The following ROR1 variants were observed in gnomAD, a reference collection of about 807,000 sequenced individuals.
The protein encoded by ROR1 is inactive tyrosine-protein kinase transmembrane receptor ROR1.
ROR1 carries 19 observed loss-of-function variants against 78.8 expected under a neutral mutation model. That is an observed-to-expected ratio of 0.24 (90% CI 0.17 to 0.35). ROR1 has a LOEUF of 0.35. Ranked by LOEUF, ROR1 falls within the 10% of genes least tolerant of loss-of-function variation. ROR1 has a pLI of 1.00. For missense variants in ROR1, 917 were observed against 1,177.8 expected (o/e 0.78, Z 3.24); for synonymous variants, 386 against 433.6 (o/e 0.89, Z 1.36).
Position 64,178,998 on chromosome 1 carries a change from T to C in ROR1, c.*143T>C. The C allele has an allele frequency of 1.9e-6, 1 of 520,030 alleles. No individual in the cohort carries two copies. The highest frequency in any genetic ancestry group is 3.3e-6 in the Non-Finnish European group (1 of 299,814). 32.2% of individuals were successfully genotyped at this position (520,030 alleles called of 1,614,324 possible). On this transcript the variant is annotated 3_prime_UTR_variant, in exon 9 of 9. Coordinates refer to ENST00000371079, the MANE Select transcript of ROR1 (RefSeq NM_005012.4). The surrounding 1 kb of genome is among the most constrained non-coding windows in gnomAD (Gnocchi z 4.3). ...CCTTCTGTGAAGTTTCACTGTGTCT[T>C]ACCAAGCAGGACAGACACTCGGCCA... is the stretch of plus-strand genomic sequence containing the variant.
chr1:63,981,052 C>T (rs1220531784), intron 1 of ROR1, among the ~76,000 whole-genome samples: 1 of 151,696 alleles, frequency 6.6e-6, no homozygotes, highest in Non-Finnish European at 1.5e-5. Context: ...CTCATGCTGC[C>T]AGATTGGAGA....
chr1:63,850,056 C>T (rs1295069111), intron 1 of ROR1, among the ~76,000 whole-genome samples: 1 of 152,192 alleles, frequency 6.6e-6, no homozygotes, highest in African/African-American at 2.4e-5. Flanking sequence ...TATTTTTGCT[C>T]TCTGTGCATA....
At chr1:64,056,815 CT>C (rs1472895674) in intron 4 of ROR1, among the ~76,000 whole-genome samples, 1 of 151,850 alleles carries the variant, frequency 6.6e-6, no homozygotes, top group Non-Finnish European at 1.5e-5. Flanking sequence ...TTTATGTTTT[CT>C]TTGGGGAAAT....
chr1:63,779,457 G>A (rs776968794), intron 1 of ROR1, among the ~76,000 whole-genome samples: 4 of 152,122 alleles, frequency 2.6e-5, no homozygotes, highest in Admixed American at 6.5e-5. Flanking sequence ...GGGGTGTGAC[G>A]GGAGAGACTG....
At chr1:63,917,472 A>G (rs1645617889) in intron 1 of ROR1, among the ~76,000 whole-genome samples, 1 of 152,224 alleles carries the variant, frequency 6.6e-6, no homozygotes, top group African/African-American at 2.4e-5. Context: ...CCTTAATAGT[A>G]TGGTAAACAG....
intron 1 of ROR1, among the ~76,000 whole-genome samples, chr1:63,829,659 G>T (rs1644974516): frequency 6.6e-6 from 1 of 152,176 alleles, no homozygotes; most frequent in Admixed American, 6.5e-5. Flanking sequence ...AATCTTTCTG[G>T]AATATCCAGT....
intron 4 of ROR1, among the ~76,000 whole-genome samples, chr1:64,063,774 T>C (rs1301202225): frequency 6.6e-6 from 1 of 152,152 alleles, no homozygotes; most frequent in Non-Finnish European, 1.5e-5. Context: ...GGGAGCTTTA[T>C]AAATTACCTG....
intron 7 of ROR1, among the ~76,000 whole-genome samples, chr1:64,150,851 T>C (rs1649601243): frequency 6.6e-6 from 1 of 152,238 alleles, no homozygotes; most frequent in Non-Finnish European, 1.5e-5. Flanking sequence ...TCAAAGGTTT[T>C]TTTGTTGTTG....
At chr1:64,071,049 T>C (rs1243118822) in intron 4 of ROR1, among the ~76,000 whole-genome samples, 1 of 152,110 alleles carries the variant, frequency 6.6e-6, no homozygotes, top group Non-Finnish European at 1.5e-5. Context: ...GACCATGACA[T>C]GGAAAATGGT....
chr1:64,004,823 T>C (rs1055743885), intron 1 of ROR1, among the ~76,000 whole-genome samples: 3 of 152,118 alleles, frequency 2.0e-5, no homozygotes, highest in Admixed American at 6.6e-5. Context: ...CAAAACCTTA[T>C]GGTTTGCAGA....
intron 1 of ROR1, among the ~76,000 whole-genome samples, chr1:63,831,855 T>C (rs547928172): frequency 6.6e-6 from 1 of 152,220 alleles, no homozygotes; most frequent in Non-Finnish European, 1.5e-5. Flanking sequence ...TAAACATAAA[T>C]CCCAATTTCA....
intron 1 of ROR1, among the ~76,000 whole-genome samples, chr1:63,796,032 A>G (rs1411041726): frequency 6.6e-6 from 1 of 152,232 alleles, no homozygotes; most frequent in Non-Finnish European, 1.5e-5. Flanking sequence ...TTTTGTTGGC[A>G]ACATTCTGTG....
Position 63,774,452 on chromosome 1 carries a change from C to G in ROR1, c.35C>G (p.Pro12Arg), listed in dbSNP as rs1376670876. ...CCGCGCCGCCGCGGGACGCGCCCGC[C>G]GCTCCTGGCGCTGCTGGCCGCGCTG... is the stretch of plus-strand genomic sequence containing the variant. Reference protein sequence around the residue: ...HRPRRRGTRPPLLALLAALLL... With the variant: ...HRPRRRGTRPRLLALLAALLL... Residue 12 changes from proline to arginine, a missense_variant, in exon 1 of 9, where the codon CCG (proline) becomes CGG (arginine). Around this residue, in one of 3 missense-constraint regions of ROR1, gnomAD observed 63 missense variants for 57.0 expected, o/e 1.10. Transcript: ENST00000371079. This position sits in a 1 kb window ranked among gnomAD's most constrained non-coding sequence, Gnocchi z 5.7. The G allele has an allele frequency of 1.7e-6, 2 of 1,172,506 alleles. No individual in the cohort carries two copies. The highest frequency in any genetic ancestry group is 2.1e-6 in the Non-Finnish European group (2 of 954,784). 72.6% of individuals were successfully genotyped at this position (1,172,506 alleles called of 1,614,324 possible).
At chr1:64,042,139 T>C (rs1446618277) in intron 2 of ROR1, among the ~76,000 whole-genome samples, 1 of 152,138 alleles carries the variant, frequency 6.6e-6, no homozygotes, top group Admixed American at 6.5e-5. Flanking sequence ...ATGGTAGTGA[T>C]AGTTACTGTA....
intron 4 of ROR1, among the ~76,000 whole-genome samples, chr1:64,134,542 A>T (rs1557668232): frequency 6.6e-6 from 1 of 152,150 alleles, no homozygotes. Flanking sequence ...AAAGCACCTA[A>T]CACAGTACCC....
At position 64,050,705 on chromosome 1, in the gene ROR1, T is replaced by C; in HGVS notation, c.471T>C (p.Ser157=). 1 of 1,613,998 alleles carries C rather than the reference T, an allele frequency of 6.2e-7. No homozygotes were observed. The highest frequency in any genetic ancestry group is 8.5e-7 in the Non-Finnish European group (1 of 1,179,880). The change falls in exon 4 of 9, where the codon AGT becomes AGC. Residue 157 remains serine (S), a synonymous_variant. Coordinates refer to ENST00000371079, the MANE Select transcript of ROR1 (RefSeq NM_005012.4). ...CTTCAGGCCCCCCTCCCACTGCAAG[T>C]CCAGGATACTCGTAAGTACTTTTAT... ...FVKFGPPPTA[S]PGYSDEYEED... is the part of the protein sequence containing the mutation.
intron 1 of ROR1, among the ~76,000 whole-genome samples, chr1:63,928,640 C>G (rs772047803): frequency 6.6e-6 from 1 of 152,160 alleles, no homozygotes; most frequent in Non-Finnish European, 1.5e-5. Context: ...TAGGTCATGG[C>G]TGTGGTGTTT....
At chr1:63,897,505 A>G (rs1221554842) in intron 1 of ROR1, among the ~76,000 whole-genome samples, 4 of 152,072 alleles carry the variant, frequency 2.6e-5, no homozygotes, top group African/African-American at 9.7e-5. Context: ...GAAAGTGTTT[A>G]CTGTTTTCCA....
intron 4 of ROR1, among the ~76,000 whole-genome samples, chr1:64,128,291 C>CAAAAA (rs72429774): frequency 1.7e-4 from 17 of 101,008 alleles, no homozygotes; most frequent in South Asian, 3.7e-4. Flanking sequence ...CCTGTCTCTA[C>CAAAAA]AAAAAAAAAA....
Sources: gnomAD v4.1 joint callset for allele counts (sites outside exome capture counted in the v4.1 genomes callset) on GRCh38, gnomAD v4.1.1 for gene constraint, gnomAD v4.1.1 regional missense constraint, Gnocchi (gnomAD v3.1) non-coding constraint, MANE v1.5 for transcripts, NCBI Gene and HGNC (gene_info 2026-07-23, HGNC 2026-07-21) for gene names.